Variants in LRBA observed in about 807,000 individuals in gnomAD.
LRBA encodes the protein lipopolysaccharide-responsive and beige-like anchor protein.
Under a neutral mutation model 330.0 loss-of-function variants are expected in LRBA, and 176 were observed. The observed-to-expected ratio is 0.53, with a 90% CI of 0.47 to 0.60. The LOEUF (loss-of-function observed/expected upper bound fraction) is 0.60. Ranked by LOEUF, LRBA falls within the 20% of genes least tolerant of loss-of-function variation. The pLI is 0.00. For synonymous variants in LRBA, 1,230 were observed against 1,193.0 expected (o/e 1.03, Z -0.64); for missense variants, 3,259 against 3,444.8 (o/e 0.95, Z 1.35).
chr4:150,384,104 T>A (rs1742703885), intron 47 of LRBA, among the ~76,000 whole-genome samples: 1 of 152,044 alleles, frequency 6.6e-6, no homozygotes, highest in Non-Finnish European at 1.5e-5. Context: ...CAATGTGCGA[T>A]CTCAGCTCAC....
chr4:150,829,984 C>G (rs1458339725), intron 29 of LRBA, among the ~76,000 whole-genome samples: 1 of 152,156 alleles, frequency 6.6e-6, no homozygotes, highest in East Asian at 1.9e-4. Context: ...TTTTAAAATT[C>G]TGTTTTTTCT....
intron 47 of LRBA, among the ~76,000 whole-genome samples, chr4:150,409,660 A>G (rs1180548388): frequency 2.6e-5 from 4 of 152,126 alleles, no homozygotes; most frequent in African/African-American, 9.7e-5. Context: ...TCATCTTCCA[A>G]CAAAACAAAG....
At chr4:150,735,136 G>C (rs1008779196) in intron 36 of LRBA, 122 bp downstream of exon 36, 7 of 735,796 alleles carry the variant, frequency 9.5e-6, no homozygotes, top group Non-Finnish European at 1.7e-5. Flanking sequence ...TATAAACCTA[G>C]ATTTTAATTT....
chr4:150,518,423 C>A (rs1581561409), intron 40 of LRBA, among the ~76,000 whole-genome samples: 1 of 152,292 alleles, frequency 6.6e-6, no homozygotes, highest in African/African-American at 2.4e-5. Flanking sequence ...ACCACTGTAA[C>A]TAAAACTATG....
intron 52 of LRBA, among the ~76,000 whole-genome samples, chr4:150,309,082 A>G (rs2126874393): frequency 6.6e-6 from 1 of 152,280 alleles, no homozygotes; most frequent in African/African-American, 2.4e-5. Context: ...AGTGCCCTAT[A>G]CAGGTATGCC....
In LRBA at chr4:150,296,197, G is replaced by GT. The variant is rs143989030; in HGVS notation, c.8017+6427dup. Among the ~76,000 whole-genome samples, 1,452 of 152,064 alleles carry GT rather than the reference G, an allele frequency of 9.5e-3. 18 individuals carry two copies. The highest frequency in any genetic ancestry group is 0.033 in the African/African-American group (1,385 of 41,454). On this transcript the variant is annotated intron_variant, in intron 53 of 56. Coordinates refer to ENST00000651943, the MANE Select transcript of LRBA (RefSeq NM_001364905.1). Reference sequence around the variant, plus strand: ...TTTAATGTTCTTTTGTTAAAAATACGTAAGTAAGGGACTCTGAAAACTATA... The same window carrying GT: ...TTTAATGTTCTTTTGTTAAAAATACGTTAAGTAAGGGACTCTGAAAACTATA...
chr4:150,886,495 A>G (rs1157574894), intron 17 of LRBA, among the ~76,000 whole-genome samples: 1 of 152,210 alleles, frequency 6.6e-6, no homozygotes, highest in Non-Finnish European at 1.5e-5. Flanking sequence ...TTTAATTACC[A>G]TCCAATTCTC....
chr4:150,848,042 T>TC, intron 26 of LRBA, among the ~76,000 whole-genome samples: 1 of 151,562 alleles, frequency 6.6e-6, no homozygotes, highest in Admixed American at 6.6e-5. Context: ...TGAGACAGAG[T>TC]CCCGCTCAAT....
chr4:150,954,506 A>C (rs1371158546), intron 2 of LRBA, among the ~76,000 whole-genome samples: 3 of 151,522 alleles, frequency 2.0e-5, no homozygotes, highest in African/African-American at 4.9e-5. Context: ...TGTGTCCACT[A>C]AGGGTTAAAT....
intron 35 of LRBA, among the ~76,000 whole-genome samples, chr4:150,738,703 T>C (rs1731547361): frequency 6.6e-6 from 1 of 152,170 alleles, no homozygotes; most frequent in African/African-American, 2.4e-5. Context: ...GTGTCATACA[T>C]CAATTGGCAA....
At chr4:150,612,239 T>C (rs1775348933) in intron 37 of LRBA, among the ~76,000 whole-genome samples, 1 of 152,212 alleles carries the variant, frequency 6.6e-6, no homozygotes, top group South Asian at 2.1e-4. Context: ...ATAACATTTT[T>C]ATCTTTAAAT....
intron 2 of LRBA, among the ~76,000 whole-genome samples, chr4:150,949,794 A>T (rs1383641348): frequency 2.0e-5 from 3 of 152,034 alleles, no homozygotes; most frequent in African/African-American, 7.2e-5. Flanking sequence ...GAAGCCACCT[A>T]CAGACATACA....
At chr4:150,481,583 C>A (rs894959804) in intron 42 of LRBA, among the ~76,000 whole-genome samples, 1 of 152,028 alleles carries the variant, frequency 6.6e-6, no homozygotes, top group Non-Finnish European at 1.5e-5. Context: ...ACTCTTGGCC[C>A]CTGGTAACCA....
chr4:150,428,772 T>C (rs547377050), intron 46 of LRBA, among the ~76,000 whole-genome samples: 7 of 152,126 alleles, frequency 4.6e-5, no homozygotes, highest in Non-Finnish European at 1.0e-4. Flanking sequence ...TTTTAGACTG[T>C]TACCAAAGGC....
chr4:150,504,704 G>A (rs1215387537), intron 40 of LRBA, among the ~76,000 whole-genome samples: 1 of 152,182 alleles, frequency 6.6e-6, no homozygotes, highest in Non-Finnish European at 1.5e-5. Context: ...AAAATAGCCA[G>A]CTGACATCAT....
intron 44 of LRBA, among the ~76,000 whole-genome samples, chr4:150,465,966 T>C (rs1755399340): frequency 6.6e-6 from 1 of 152,066 alleles, no homozygotes; most frequent in African/African-American, 2.4e-5. Flanking sequence ...TGAAATGTAT[T>C]ATAACAAGTA....
intron 2 of LRBA, among the ~76,000 whole-genome samples, chr4:151,000,370 A>AT (rs927674401): frequency 1.7e-4 from 26 of 152,170 alleles, no homozygotes; most frequent in South Asian, 1.7e-3. Context: ...TCAGCACATG[A>AT]TTTTTTTTCC....
Position 150,522,241 on chromosome 4 carries a change from C to G in LRBA, c.6331-31206G>C, listed in dbSNP as rs371671239. On this transcript the variant is annotated intron_variant, in intron 40 of 56. Transcript: ENST00000651943. ...ATCTTGGTCTTTTCAGGCTCCAGAACAGTAAGAAAATAAATTTCTATTGTT... is the reference window on the plus strand; with the variant it reads ...ATCTTGGTCTTTTCAGGCTCCAGAAGAGTAAGAAAATAAATTTCTATTGTT... 4.0e-4 allele frequency among the ~76,000 whole-genome samples: 61 copies of G among 152,126 alleles called. 1 individual carries two copies. The South Asian group carries it at 0.013, about 32-fold the overall frequency.
chr4:150,502,894 AAGG>A (rs1368021973), intron 40 of LRBA, among the ~76,000 whole-genome samples: 1 of 152,196 alleles, frequency 6.6e-6, no homozygotes. Flanking sequence ...AATGGCACAC[AAGG>A]AGATTATATC....
Sources: gnomAD v4.1 joint callset for allele counts (sites outside exome capture counted in the v4.1 genomes callset) on GRCh38, gnomAD v4.1.1 for gene constraint, MANE v1.5 for transcripts, NCBI Gene and HGNC (gene_info 2026-07-23, HGNC 2026-07-21) for gene names.